The following COL1A2 variants were observed in gnomAD, a reference collection of about 807,000 sequenced individuals.
COL1A2 encodes the protein collagen type I alpha 2 chain, also known as collagen alpha-2(I) chain.
In COL1A2, 49 loss-of-function variants were observed where a neutral mutation model predicts 174.3. That is an observed-to-expected ratio of 0.28 (90% confidence interval 0.22 to 0.36). The LOEUF (loss-of-function observed/expected upper bound fraction) is 0.36. COL1A2 is among the 10% of genes least tolerant of loss of function. COL1A2 has a pLI of 1.00. For synonymous variants in COL1A2, 655 were observed against 606.6 expected (o/e 1.08, Z -1.17); for missense variants, 1,438 against 1,822.7 (o/e 0.79, Z 3.84).
At chr7:94,401,659 A>C (rs769499778) in intron 6 of COL1A2, 39 bp downstream of exon 6, 1 of 1,466,356 alleles carries the variant, frequency 6.8e-7, no homozygotes, top group South Asian at 1.2e-5. Context: ...AAAATTGCTA[A>C]ATAAATCATT....
intron 21 of COL1A2, among the ~76,000 whole-genome samples, 158 bp downstream of exon 21, chr7:94,410,685 G>A (rs958605520): frequency 6.6e-6 from 1 of 152,164 alleles, no homozygotes; most frequent in Non-Finnish European, 1.5e-5. Flanking sequence ...AATTTAATAT[G>A]TTATAAAATT....
At position 94,428,474 on chromosome 7, in the gene COL1A2, C is replaced by A. The variant is rs1214052566; in HGVS notation, c.3708C>A (p.Ser1236Arg). 15 of 1,613,174 alleles carry A rather than the reference C, an allele frequency of 9.3e-6. No individual in the cohort carries two copies. Among genetic ancestry groups the A allele is most frequent in the Non-Finnish European group, 1.3e-5 (15 of 1,179,568 alleles). The part of the protein sequence containing the change: ...VWLGETINAG[S>R]QFEYNVEGVT... Reference sequence around the variant, plus strand: ...TAGGAGAAACTATCAATGCTGGCAGCCAGGTGAGGAATCCCACAAACACCT... The same window carrying A: ...TAGGAGAAACTATCAATGCTGGCAGACAGGTGAGGAATCCCACAAACACCT... The change falls in exon 50 of 52, where the codon AGC (serine) becomes AGA (arginine). Residue 1236 changes from serine to arginine, a missense_variant. Around this residue, in one of 3 missense-constraint regions of COL1A2, gnomAD observed 290 missense variants for 298.1 expected, o/e 0.97. Transcript: ENST00000297268.
In COL1A2 at chr7:94,401,730, T is replaced by C. The variant is rs1791694534; in HGVS notation, c.279+110T>C. ...GCTACCTAAGTTAACACTCAATACT[T>C]AGATTATATAAAAACAACTCTTTTT... On this transcript the variant is annotated intron_variant, in intron 6 of 51. Coordinates refer to ENST00000297268, the MANE Select transcript of COL1A2 (RefSeq NM_000089.4). 6.2e-6 allele frequency: 4 copies of C among 648,452 alleles called. No individual in the cohort carries two copies. The South Asian group carries it at 7.4e-5, about 12-fold the overall frequency. The allele number at this position is 648,452 out of a possible 1,614,324, so 40.2% of individuals were successfully genotyped here. A position where few individuals can be genotyped will look rare whatever the true frequency, so the allele number is the denominator to read the frequency against.
At position 94,415,279 on chromosome 7, in the gene COL1A2, T is replaced by C. The variant is rs905093164; in HGVS notation, c.1764+9T>C. On this transcript the variant is annotated intron_variant, in intron 30 of 51. Coordinates refer to ENST00000297268, the MANE Select transcript of COL1A2 (RefSeq NM_000089.4). ...GTCCTGCTGGTCCAAGAGTAAGTGT[T>C]ACTTCATTAACTTTCATAAACTCTG... The C allele has an allele frequency of 1.2e-6, 2 of 1,613,142 alleles. No individual in the cohort carries two copies. Among genetic ancestry groups the C allele is most frequent in the Non-Finnish European group, 1.7e-6 (2 of 1,179,222 alleles).
In COL1A2 at chr7:94,411,113, G is replaced by A; in HGVS notation, c.1309G>A (p.Asp437Asn). 6.2e-7 allele frequency: 1 copy of A among 1,603,556 alleles called. No individual in the cohort carries two copies. The highest frequency in any genetic ancestry group is 2.2e-5 in the East Asian group (1 of 44,578). ...TGCTGGAGTCCGAGGACCTAATGGAGATGCTGGTCGCCCTGGGGAGCCTGG... is the reference window on the plus strand; with the variant it reads ...TGCTGGAGTCCGAGGACCTAATGGAAATGCTGGTCGCCCTGGGGAGCCTGG... ...GPAGVRGPNGDAGRPGEPGLM... is the reference protein window; with the variant it reads ...GPAGVRGPNGNAGRPGEPGLM... The change falls in exon 23 of 52, where the codon GAT becomes AAT. Residue 437 changes from aspartate to asparagine, a missense_variant. By Grantham distance (23) the Asp-to-Asn change is conservative (BLOSUM62 1). Coordinates refer to ENST00000297268, the MANE Select transcript of COL1A2 (RefSeq NM_000089.4).
chr7:94,414,941 T>C (rs551834787), intron 29 of COL1A2, among the ~76,000 whole-genome samples: 3 of 152,216 alleles, frequency 2.0e-5, no homozygotes, highest in Non-Finnish European at 4.4e-5. Context: ...TATCTTATTA[T>C]TGAAGGAAAT....
chr7:94,419,581 C>T, intron 34 of COL1A2, 30 bp downstream of exon 34: 1 of 1,613,710 alleles, frequency 6.2e-7, no homozygotes. Flanking sequence ...AAGCCAACAG[C>T]AATATCTAAA....
At position 94,400,181 on chromosome 7, in the gene COL1A2, C is replaced by G. The variant is rs992330364; in HGVS notation, c.133-15C>G. On this transcript the variant is annotated splice_polypyrimidine_tract_variant and intron_variant, in intron 4 of 51. Transcript: ENST00000297268. ...GGCCTGTCTAACCTGACCTTACTCA[C>G]TTTTTACATAACAGGGTCCACCAGG... is the stretch of plus-strand genomic sequence containing the variant. The G allele has an allele frequency of 5.6e-6, 9 of 1,613,284 alleles. No homozygotes were observed. Among genetic ancestry groups the G allele is most frequent in the Admixed American group, 5.0e-5 (3 of 59,970 alleles).
intron 48 of COL1A2, 98 bp from the exon 49 acceptor site, chr7:94,427,529 A>G: frequency 7.1e-7 from 1 of 1,402,772 alleles, no homozygotes; most frequent in South Asian, 1.2e-5. Context: ...TGATGAGAAC[A>G]TGCTTCCGTG....
intron 26 of COL1A2, 25 bp downstream of exon 26, chr7:94,413,161 C>T: frequency 6.2e-7 from 1 of 1,606,966 alleles, no homozygotes; most frequent in Non-Finnish European, 8.5e-7. Flanking sequence ...GTGTACAGAT[C>T]TATTCACATA....
At chr7:94,402,627 A>T (rs1584314931) in intron 6 of COL1A2, among the ~76,000 whole-genome samples, 1 of 152,222 alleles carries the variant, frequency 6.6e-6, no homozygotes, top group East Asian at 1.9e-4. Flanking sequence ...AGCATATATG[A>T]AATAGAGGGG....
Position 94,400,436 on chromosome 7 carries a change from T to C in COL1A2, c.225+148T>C, listed in dbSNP as rs549926295. Reference sequence around the variant, plus strand: ...ATTTATTTGGTTTTTTCACTCAAGATTCTGCTTTACCCATTCTCTTTGTGA... The same window carrying C: ...ATTTATTTGGTTTTTTCACTCAAGACTCTGCTTTACCCATTCTCTTTGTGA... On this transcript the variant is annotated intron_variant, in intron 5 of 51. Coordinates refer to ENST00000297268, the MANE Select transcript of COL1A2 (RefSeq NM_000089.4). 7 of 795,284 alleles carry C rather than the reference T, an allele frequency of 8.8e-6. 1 individual carries two copies. In the South Asian group the frequency reaches 1.1e-4, roughly 13 times the overall value. The allele number at this position is 795,284 out of a possible 1,614,324, so 49.3% of individuals were successfully genotyped here.
chr7:94,415,116 A>G (rs1467984257), intron 29 of COL1A2, 110 bp from the exon 30 acceptor site: 5 of 923,994 alleles, frequency 5.4e-6, no homozygotes, highest in Non-Finnish European at 9.1e-6. Flanking sequence ...GCACTCATGT[A>G]GATACTGCCA....
At chr7:94,414,401 T>C in intron 29 of COL1A2, 126 bp downstream of exon 29, 1 of 869,392 alleles carries the variant, frequency 1.2e-6, no homozygotes, top group Non-Finnish European at 1.9e-6. Context: ...TTAATGATAG[T>C]GTTTTACATA....
chr7:94,425,107 G>T lies in COL1A2; in HGVS notation c.2674-10G>T. ...AGGGGAATGTCATTTTATCTTCTCT[G>T]CCTGTTTAGGGTGAACCTGGTCCTC... On this transcript the variant is annotated splice_polypyrimidine_tract_variant and intron_variant, in intron 41 of 51. Transcript: ENST00000297268. The T allele has an allele frequency of 6.2e-7, 1 of 1,612,640 alleles. No individual in the cohort carries two copies.
At position 94,426,573 on chromosome 7, in the gene COL1A2, G is replaced by A. The variant is rs62464631; in HGVS notation, c.3105+43G>A. 180,025 of 1,442,084 alleles carry A rather than the reference G, an allele frequency of 0.12. 12,203 individuals carry two copies. Among genetic ancestry groups the A allele is most frequent in the South Asian group, 0.17 (14,181 of 82,668 alleles). The allele number at this position is 1,442,084 out of a possible 1,614,324, so 89.3% of individuals were successfully genotyped here. ...ATCTCGCACATAAACTGATCCTGAA[G>A]GCCTTCAGCTCAGAAGGATTTTCAT... On this transcript the variant is annotated intron_variant, in intron 46 of 51. Transcript: ENST00000297268.
chr7:94,430,507 A>G lies in COL1A2; in HGVS notation c.*114A>G. ...ATCCTTCCATTTCTTCTGCACATCT[A>G]CTTGCTTAAATTGTGGGCAAAAGAG... On this transcript the variant is annotated 3_prime_UTR_variant, in exon 52 of 52. Transcript: ENST00000297268. 9.0e-7 allele frequency: 1 copy of G among 1,115,336 alleles called. No homozygotes were observed. Among genetic ancestry groups the G allele is most frequent in the South Asian group, 1.3e-5 (1 of 74,500 alleles). The allele number at this position is 1,115,336 out of a possible 1,614,324, so 69.1% of individuals were successfully genotyped here. A position where few individuals can be genotyped will look rare whatever the true frequency, so the allele number is the denominator to read the frequency against.
chr7:94,418,429 A>G (rs1413109065), intron 32 of COL1A2, 70 bp from the exon 33 acceptor site: 1 of 1,366,318 alleles, frequency 7.3e-7, no homozygotes, highest in Non-Finnish European at 1.0e-6. Flanking sequence ...AAAAGAAAAA[A>G]ACTTCATATT....
rs201829498 is a variant in COL1A2, at chr7:94,415,231, C to T, written c.1725C>T (p.Leu575=). The T allele has an allele frequency of 6.2e-7, 1 of 1,613,510 alleles. No homozygotes were observed. ...GEVGKPGERG[L]HGEFGLPGPA... ...TATTCTCATGTTTTGTCTAGGGTCT[C>T]CATGGTGAGTTTGGTCTCCCTGGTC... Residue 575 remains leucine, a synonymous_variant, in exon 30 of 52, where the codon CTC becomes CTT. Coordinates refer to ENST00000297268, the MANE Select transcript of COL1A2 (RefSeq NM_000089.4).
Sources: allele counts gnomAD v4.1 joint callset (sites outside exome capture counted in the v4.1 genomes callset), GRCh38; gene constraint gnomAD v4.1.1; regional missense constraint gnomAD v4.1.1; transcripts MANE v1.5; gene names NCBI Gene and HGNC (gene_info 2026-07-23, HGNC 2026-07-21).